The following PLPP4 variants were observed in gnomAD, a reference collection of about 807,000 sequenced individuals.
PLPP4 encodes phospholipid phosphatase 4, also known as diacylglycerol pyrophosphate like 2.
A neutral mutation model predicts 32.2 loss-of-function variants in PLPP4; 20 were observed. The ratio of observed to expected loss-of-function variants is 0.62; its 90% confidence interval spans 0.44 to 0.90. PLPP4 has a LOEUF of 0.90. Ranked by LOEUF, PLPP4 falls within the 40% of genes least tolerant of loss-of-function variation. The pLI is 0.00. For missense variants in PLPP4, 257 were observed against 353.1 expected, an observed-to-expected ratio of 0.73 and a Z score of 2.18; for synonymous variants, 127 against 133.0, an observed-to-expected ratio of 0.95 and a Z score of 0.31.
At chr10:120,527,775 C>T (rs547273996) in intron 5 of PLPP4, among the ~76,000 whole-genome samples, 21 of 152,208 alleles carry the variant, frequency 1.4e-4, no homozygotes, top group Non-Finnish European at 2.4e-4. Flanking sequence ...TTACCAGCTG[C>T]GTGTCTGGGA....
At chr10:120,472,343 AT>A (rs952841004) in intron 1 of PLPP4, among the ~76,000 whole-genome samples, 1 of 151,980 alleles carries the variant, frequency 6.6e-6, no homozygotes, top group African/African-American at 2.4e-5. Flanking sequence ...TTTTTGAAAG[AT>A]TTTTTTGGTT....
intron 1 of PLPP4, among the ~76,000 whole-genome samples, chr10:120,473,528 C>G (rs1162782277): frequency 6.6e-6 from 1 of 152,088 alleles, no homozygotes. Flanking sequence ...ATTGCAATTT[C>G]TGAGTTAGCC....
intron 1 of PLPP4, among the ~76,000 whole-genome samples, chr10:120,481,001 G>A (rs939120966): frequency 6.6e-6 from 1 of 152,192 alleles, no homozygotes; most frequent in Non-Finnish European, 1.5e-5. Flanking sequence ...CTGTCTGATT[G>A]TACATCTTCC....
At chr10:120,577,890 C>T (rs2134062406) in intron 6 of PLPP4, among the ~76,000 whole-genome samples, 1 of 152,314 alleles carries the variant, frequency 6.6e-6, no homozygotes, top group South Asian at 2.1e-4. Flanking sequence ...CTGCCGCTGT[C>T]CACACCAGTT....
chr10:120,534,418 T>C (rs567129601), intron 5 of PLPP4, among the ~76,000 whole-genome samples: 1 of 152,244 alleles, frequency 6.6e-6, no homozygotes, highest in Non-Finnish European at 1.5e-5. Context: ...TATCTGTATG[T>C]GGATCTTTTT....
intron 1 of PLPP4, among the ~76,000 whole-genome samples, chr10:120,461,101 G>A (rs974866914): frequency 1.6e-4 from 24 of 152,330 alleles, no homozygotes; most frequent in African/African-American, 5.8e-4. Context: ...AGCTGTCACT[G>A]TAGCTCTAAA....
At chr10:120,523,068 C>T (rs1454100323) in intron 5 of PLPP4, among the ~76,000 whole-genome samples, 2 of 152,092 alleles carry the variant, frequency 1.3e-5, no homozygotes, top group Non-Finnish European at 2.9e-5. Flanking sequence ...GAGCCCAAGG[C>T]GGGTGGATCA....
chr10:120,582,701 T>G (rs915430360), intron 6 of PLPP4, among the ~76,000 whole-genome samples: 1 of 152,124 alleles, frequency 6.6e-6, no homozygotes, highest in Non-Finnish European at 1.5e-5. Context: ...TAACTTATTC[T>G]CTACAAGTTC....
chr10:120,495,284 T>C (rs1025172546), intron 1 of PLPP4, among the ~76,000 whole-genome samples: 12 of 152,212 alleles, frequency 7.9e-5, no homozygotes, highest in Admixed American at 1.3e-4. Flanking sequence ...GTTAGCTTTG[T>C]TTTGGGGGAT....
chr10:120,505,379 G>GTTATGGAACGA (rs1845446500), intron 2 of PLPP4, among the ~76,000 whole-genome samples: 1 of 152,212 alleles, frequency 6.6e-6, no homozygotes, highest in African/African-American at 2.4e-5. Flanking sequence ...GCTCCTCTTT[G>GTTATGGAACGA]TTATGGAACG....
In PLPP4 at chr10:120,544,144, G is replaced by T. The variant is rs376847350; in HGVS notation, c.445+23049G>T. ...TGGGTATAAACCCAGAGGTGGAATT[G>T]CTGGATCATATGGTAATTCTGTTTT... On this transcript the variant is annotated intron_variant, in intron 5 of 6. Coordinates refer to ENST00000398250, the MANE Select transcript of PLPP4 (RefSeq NM_001030059.3). 2.2e-4 allele frequency among the ~76,000 whole-genome samples: 33 copies of T among 152,324 alleles called. 1 individual carries two copies. The South Asian group carries it at 4.1e-3, about 19-fold the overall frequency.
intron 5 of PLPP4, among the ~76,000 whole-genome samples, chr10:120,545,477 T>G (rs1395176934): frequency 6.6e-6 from 1 of 152,174 alleles, no homozygotes; most frequent in Non-Finnish European, 1.5e-5. Context: ...TACCTTCTCA[T>G]AGCAGGCCCA....
intron 5 of PLPP4, among the ~76,000 whole-genome samples, chr10:120,556,209 G>A (rs1410754223): frequency 6.6e-6 from 1 of 152,178 alleles, no homozygotes; most frequent in Admixed American, 6.5e-5. Flanking sequence ...TGCTGTTCAC[G>A]TGTTGCAAAG....
At chr10:120,512,255 T>G (rs1845760174) in intron 2 of PLPP4, among the ~76,000 whole-genome samples, 1 of 152,212 alleles carries the variant, frequency 6.6e-6, no homozygotes, top group African/African-American at 2.4e-5. Flanking sequence ...CCCTTCTGAA[T>G]AGCCCCCAGG....
At chr10:120,470,216 C>G (rs1848457670) in intron 1 of PLPP4, among the ~76,000 whole-genome samples, 1 of 152,224 alleles carries the variant, frequency 6.6e-6, no homozygotes, top group South Asian at 2.1e-4. Context: ...AGCATCGTTT[C>G]ACAAGCGTAT....
intron 5 of PLPP4, among the ~76,000 whole-genome samples, chr10:120,547,487 A>G (rs1358195273): frequency 6.6e-6 from 1 of 152,174 alleles, no homozygotes; most frequent in Non-Finnish European, 1.5e-5. Flanking sequence ...AGAATGATTG[A>G]TTATTAATAA....
chr10:120,498,218 G>A (rs1234331147), intron 1 of PLPP4, among the ~76,000 whole-genome samples: 3 of 152,044 alleles, frequency 2.0e-5, no homozygotes, highest in Non-Finnish European at 4.4e-5. Flanking sequence ...TTTGACCTAC[G>A]CAGTCTAGAC....
At chr10:120,583,591 G>A (rs760640765) in intron 6 of PLPP4, among the ~76,000 whole-genome samples, 4 of 152,048 alleles carry the variant, frequency 2.6e-5, no homozygotes, top group South Asian at 2.1e-4. Context: ...CTCAGCAATC[G>A]CTTCTCATTT....
At chr10:120,545,563 T>C (rs964903944) in intron 5 of PLPP4, among the ~76,000 whole-genome samples, 20 of 152,164 alleles carry the variant, frequency 1.3e-4, no homozygotes, top group African/African-American at 4.6e-4. Context: ...GCTTCTGCCC[T>C]GGAAGGGAGG....
Sources: allele counts gnomAD v4.1 joint callset (sites outside exome capture counted in the v4.1 genomes callset), GRCh38; gene constraint gnomAD v4.1.1; transcripts MANE v1.5; gene names NCBI Gene and HGNC (gene_info 2026-07-23, HGNC 2026-07-21).